The following MOGAT2 variants were observed in gnomAD, a reference collection of about 807,000 sequenced individuals.
MOGAT2 encodes the protein monoacylglycerol O-acyltransferase 2.
In MOGAT2, 27 loss-of-function variants were observed where a neutral mutation model predicts 31.5. The ratio of observed to expected loss-of-function variants is 0.86; its 90% CI spans 0.63 to 1.18. The LOEUF (loss-of-function observed/expected upper bound fraction) is 1.18. Among genes scored for constraint, MOGAT2 ranks in the 50% most tolerant of loss-of-function variants. The pLI is 0.00. For synonymous variants in MOGAT2, 163 were observed against 170.0 expected (o/e 0.96, Z 0.32); for missense variants, 436 against 433.2 (o/e 1.01, Z -0.06).
At chr11:75,718,082 C>G in intron 1 of MOGAT2, 103 bp downstream of exon 1, 1 of 1,181,558 alleles carries the variant, frequency 8.5e-7, no homozygotes, top group Non-Finnish European at 1.2e-6. Flanking sequence ...AGACATTTAT[C>G]CTAAAGGGGG....
Position 75,727,424 on chromosome 11 carries a change from C to A in MOGAT2, c.271-11C>A, listed in dbSNP as rs752233149. 5.6e-6 allele frequency: 9 copies of A among 1,609,730 alleles called. No homozygotes were observed. Among genetic ancestry groups the A allele is most frequent in the Middle Eastern group, 3.4e-4 (2 of 5,930 alleles). ...GCCCCGCCCTGGCTCAGCAGGTTGC[C>A]GTCCCTGCAGCTGGTCAAGACTGCT... On this transcript the variant is annotated splice_polypyrimidine_tract_variant and intron_variant, in intron 2 of 5. Transcript: ENST00000198801.
At chr11:75,720,382 G>A (rs969956921) in intron 2 of MOGAT2, among the ~76,000 whole-genome samples, 38 of 152,330 alleles carry the variant, frequency 2.5e-4, no homozygotes, top group African/African-American at 8.9e-4. Context: ...GGGATGCGGG[G>A]CCAATATGTG....
Position 75,727,645 on chromosome 11 carries a change from T to C in MOGAT2, c.475+6T>C. ...AGATTACATCATGTCTGCAGGTGAG[T>C]CTTTCTACCCCTGAGCAGCTCAGGA... On this transcript the variant is annotated splice_donor_region_variant and intron_variant, in intron 3 of 5. Transcript: ENST00000198801. The C allele has an allele frequency of 1.2e-6, 2 of 1,612,196 alleles. No homozygotes were observed. The highest frequency in any genetic ancestry group is 1.7e-6 in the Non-Finnish European group (2 of 1,178,856).
rs144185928 is a variant in MOGAT2, at chr11:75,728,104, C to T, written c.610C>T (p.Arg204Trp). The part of the protein sequence containing the change: ...ARPGSFTLLL[R>W]NRKGFVRLAL... ...GCCTGGATCCTTCACGCTGTTACTG[C>T]GGAACCGAAAGGGCTTCGTCAGGCT... is the stretch of plus-strand genomic sequence containing the variant. Residue 204 changes from arginine (R) to tryptophan (W), a missense_variant, in exon 4 of 6, where the codon CGG (arginine) becomes TGG (tryptophan). Transcript: ENST00000198801. 672 of 1,614,038 alleles carry T rather than the reference C, an allele frequency of 4.2e-4. 5 individuals are homozygous for T. The South Asian group carries it at 4.3e-3, about 10-fold the overall frequency.
At chr11:75,724,333 G>A (rs1449606387) in intron 2 of MOGAT2, among the ~76,000 whole-genome samples, 1 of 152,172 alleles carries the variant, frequency 6.6e-6, no homozygotes, top group East Asian at 1.9e-4. Flanking sequence ...ATCTTCACAG[G>A]GATGTTGTGA....
chr11:75,726,696 AT>A (rs1186269725), intron 2 of MOGAT2, among the ~76,000 whole-genome samples: 1,435 of 123,130 alleles, frequency 0.012, 12 homozygotes, highest in African/African-American at 0.036. Flanking sequence ...AGGAACATTG[AT>A]TTTTTTTTTT....
At chr11:75,718,901 T>C (rs947835067) in intron 1 of MOGAT2, among the ~76,000 whole-genome samples, 2 of 152,090 alleles carry the variant, frequency 1.3e-5, no homozygotes, top group African/African-American at 4.8e-5. Context: ...TGTACACAGA[T>C]ACCACTCTCC....
At position 75,728,007 on chromosome 11, in the gene MOGAT2, T is replaced by G. The variant is rs779775299; in HGVS notation, c.513T>G (p.Ile171Met). Residue 171 changes from isoleucine to methionine, a missense_variant, in exon 4 of 6, where the codon ATT becomes ATG. Physicochemically the swap from Ile to Met is conservative, Grantham distance 10. Transcript: ENST00000198801. ...VTSEKESAAH[I>M]LNRKGGGNLL... The stretch of plus-strand genomic sequence containing the variant: ...CAGAAAAGGAGAGTGCTGCTCACAT[T>G]CTGAACAGGAAGGGTGGCGGAAACT... 1.9e-6 allele frequency: 3 copies of G among 1,613,706 alleles called. No homozygotes were observed. The South Asian group carries it at 3.3e-5, about 18-fold the overall frequency.
In MOGAT2 at chr11:75,719,047, C is replaced by T. The variant is rs138606369; in HGVS notation, c.92-945C>T. Reference sequence around the variant, plus strand: ...CCCACAATTCTGTAGTGAAAAAACTCCCCCTTGGCAAAGCAGGCCCTCCAG... The same window carrying T: ...CCCACAATTCTGTAGTGAAAAAACTTCCCCTTGGCAAAGCAGGCCCTCCAG... On this transcript the variant is annotated intron_variant, in intron 1 of 5. Transcript: ENST00000198801. Among the ~76,000 whole-genome samples the T allele has an allele frequency of 3.6e-3, 555 of 152,294 alleles. 2 individuals are homozygous for T. Among genetic ancestry groups the T allele is most frequent in the African/African-American group, 0.013 (525 of 41,564 alleles).
At chr11:75,730,368 T>C (rs2135738238) in intron 5 of MOGAT2, among the ~76,000 whole-genome samples, 1 of 152,174 alleles carries the variant, frequency 6.6e-6, no homozygotes, top group East Asian at 1.9e-4. Flanking sequence ...CACCCCATCT[T>C]AGAAATATAG....
At chr11:75,730,914 C>CA (rs767670159) in intron 5 of MOGAT2, 14,381 of 172,222 alleles carry the variant, frequency 0.084, 301 homozygotes, top group East Asian at 0.13. Context: ...GACTCTACCT[C>CA]AAAAAAAAAA....
chr11:75,731,102 T>C (rs1944474979), intron 5 of MOGAT2, 30 bp from the exon 6 acceptor site: 1 of 1,607,606 alleles, frequency 6.2e-7, no homozygotes. Flanking sequence ...TTGCCTACCC[T>C]AGGCCACTGC....
At position 75,727,419 on chromosome 11, in the gene MOGAT2, G is replaced by A; in HGVS notation, c.271-16G>A. 1 of 1,609,542 alleles carries A rather than the reference G, an allele frequency of 6.2e-7. No individual in the cohort carries two copies. The highest frequency in any genetic ancestry group is 8.5e-7 in the Non-Finnish European group (1 of 1,176,916). ...CACAGGCCCCGCCCTGGCTCAGCAG[G>A]TTGCCGTCCCTGCAGCTGGTCAAGA... On this transcript the variant is annotated splice_polypyrimidine_tract_variant and intron_variant, in intron 2 of 5. Transcript: ENST00000198801.
At chr11:75,726,466 T>C (rs974489503) in intron 2 of MOGAT2, among the ~76,000 whole-genome samples, 1 of 152,184 alleles carries the variant, frequency 6.6e-6, no homozygotes, top group Non-Finnish European at 1.5e-5. Context: ...TATAAAATGA[T>C]GTAATATTTG....
intron 2 of MOGAT2, among the ~76,000 whole-genome samples, chr11:75,726,199 G>A (rs1944420094): frequency 6.6e-6 from 1 of 152,226 alleles, no homozygotes; most frequent in South Asian, 2.1e-4. Flanking sequence ...GCAAGCTGCT[G>A]CGATGGCTGG....
chr11:75,723,555 A>C (rs527609299), intron 2 of MOGAT2, among the ~76,000 whole-genome samples: 32 of 150,334 alleles, frequency 2.1e-4, no homozygotes, highest in Non-Finnish European at 4.6e-4. Context: ...TCAGCCTCCC[A>C]AGTAGCTTGG....
chr11:75,720,950 CA>C (rs897733918), intron 2 of MOGAT2, among the ~76,000 whole-genome samples: 1 of 152,096 alleles, frequency 6.6e-6, no homozygotes, highest in Non-Finnish European at 1.5e-5. Context: ...GAATCCCAGG[CA>C]ATTTAAAGCC....
chr11:75,726,149 T>G (rs939196225), intron 2 of MOGAT2, among the ~76,000 whole-genome samples: 1 of 152,238 alleles, frequency 6.6e-6, no homozygotes, highest in African/African-American at 2.4e-5. Flanking sequence ...GTCCGTTGGA[T>G]GCTGCTACAC....
At chr11:75,725,764 T>C (rs1035729292) in intron 2 of MOGAT2, among the ~76,000 whole-genome samples, 2 of 152,010 alleles carry the variant, frequency 1.3e-5, no homozygotes, top group Non-Finnish European at 2.9e-5. Context: ...ACAGGAAGAA[T>C]TTTTACACTG....
Sources: gnomAD v4.1 joint callset for allele counts (sites outside exome capture counted in the v4.1 genomes callset) on GRCh38, gnomAD v4.1.1 for gene constraint, MANE v1.5 for transcripts, NCBI Gene and HGNC (gene_info 2026-07-23, HGNC 2026-07-21) for gene names.